Variants in PPIL6 observed in about 807,000 individuals in gnomAD.
PPIL6 encodes the protein probable inactive peptidyl-prolyl cis-trans isomerase-like 6.
A neutral mutation model predicts 36.8 loss-of-function variants in PPIL6; 39 were observed. The ratio of observed to expected loss-of-function variants is 1.06; its 90% CI spans 0.82 to 1.38. PPIL6 has a LOEUF of 1.38. Ranked by LOEUF, PPIL6 falls within the 40% of genes most tolerant of loss-of-function variation. The pLI is 0.00. For missense variants in PPIL6, 368 were observed against 379.1 expected, an observed-to-expected ratio of 0.97 and a Z score of 0.24; for synonymous variants, 123 against 134.1, an observed-to-expected ratio of 0.92 and a Z score of 0.57.
chr6:109,438,365 C>A (rs1774573832), intron 1 of PPIL6, among the ~76,000 whole-genome samples: 1 of 151,536 alleles, frequency 6.6e-6, no homozygotes, highest in Non-Finnish European at 1.5e-5. Context: ...TTGCTTGAGC[C>A]CAGGAGTTCA....
Position 109,392,827 on chromosome 6 carries a change from C to A in PPIL6, c.935G>T (p.Ter312LeuextTer8). Reference protein sequence around the residue: ...RITDSGDPYA* With the variant: ...RITDSGDPYAL ...TCACAGAAAATATTGATATGAAAAT[C>A]AAGCATAAGGATCTCCACTGTCAGT... Residue 312 changes from the stop codon to leucine, a stop_lost, in exon 8 of 8, where the codon TGA (stop) becomes TTA (leucine). Coordinates refer to ENST00000521072, the MANE Select transcript of PPIL6 (RefSeq NM_173672.5). 6.9e-7 allele frequency: 1 copy of A among 1,458,690 alleles called. No homozygotes were observed. The highest frequency in any genetic ancestry group is 9.5e-7 in the Non-Finnish European group (1 of 1,057,942). 90.4% of individuals were successfully genotyped at this position (1,458,690 alleles called of 1,614,324 possible).
intron 2 of PPIL6, among the ~76,000 whole-genome samples, chr6:109,435,325 G>C (rs1774387116): frequency 7.0e-6 from 1 of 143,506 alleles, no homozygotes; most frequent in Non-Finnish European, 1.5e-5. Flanking sequence ...TGGAGACAGA[G>C]TCTCACTCTG....
intron 6 of PPIL6, among the ~76,000 whole-genome samples, chr6:109,411,474 T>C (rs1773008932): frequency 6.6e-6 from 1 of 152,206 alleles, no homozygotes; most frequent in African/African-American, 2.4e-5. Context: ...TTAACAACTC[T>C]AGGCAAGTTG....
At chr6:109,408,241 A>C (rs1056775526) in intron 6 of PPIL6, among the ~76,000 whole-genome samples, 2 of 152,204 alleles carry the variant, frequency 1.3e-5, no homozygotes, top group African/African-American at 4.8e-5. Context: ...TTCTTCTGGC[A>C]TAAAGTGTTG....
intron 7 of PPIL6, among the ~76,000 whole-genome samples, chr6:109,396,401 G>C (rs9487086): frequency 0.013 from 1,998 of 152,224 alleles, 49 homozygotes; most frequent in African/African-American, 0.046. Flanking sequence ...TTGGGAGTTG[G>C]ACCCTTGCTG....
At chr6:109,405,085 A>G (rs983329855) in intron 6 of PPIL6, 3 of 390,168 alleles carry the variant, frequency 7.7e-6, no homozygotes, top group East Asian at 9.3e-5. Flanking sequence ...TCTTTTCATA[A>G]CCTTTTCATT....
chr6:109,415,421 G>A (rs932780498), intron 6 of PPIL6, among the ~76,000 whole-genome samples: 5 of 152,048 alleles, frequency 3.3e-5, no homozygotes, highest in African/African-American at 1.2e-4. Flanking sequence ...GCACTGGTTC[G>A]GAGGCACTCA....
chr6:109,425,799 A>C (rs1243660518), intron 5 of PPIL6, among the ~76,000 whole-genome samples: 1 of 151,976 alleles, frequency 6.6e-6, no homozygotes, highest in African/African-American at 2.4e-5. Flanking sequence ...CTAGCACATG[A>C]GAGTCAACAC....
At chr6:109,422,022 G>A (rs1205687653) in intron 5 of PPIL6, among the ~76,000 whole-genome samples, 3 of 152,114 alleles carry the variant, frequency 2.0e-5, no homozygotes, top group African/African-American at 4.8e-5. Context: ...GACTATAGGC[G>A]CATGCCACCA....
At position 109,390,571 on chromosome 6, in the gene PPIL6, G is replaced by C. The variant is rs1772060647; in HGVS notation, c.*2255C>G. ...AATAAAGCTGTCATTAAAAGGAAAAGCAAATGCCAGTTGTCAGGAGTTAGG... is the reference window on the plus strand; with the variant it reads ...AATAAAGCTGTCATTAAAAGGAAAACCAAATGCCAGTTGTCAGGAGTTAGG... On this transcript the variant is annotated 3_prime_UTR_variant, in exon 8 of 8. Transcript: ENST00000521072. The C allele has an allele frequency of 6.6e-6, 1 of 152,296 alleles. No homozygotes were observed. The highest frequency in any genetic ancestry group is 6.5e-5 in the Admixed American group (1 of 15,280). 9.4% of individuals were successfully genotyped at this position (152,296 alleles called of 1,614,324 possible). A position where few individuals can be genotyped will look rare whatever the true frequency, so the allele number is the denominator to read the frequency against.
intron 7 of PPIL6, among the ~76,000 whole-genome samples, chr6:109,395,506 C>T (rs1772258100): frequency 6.6e-6 from 1 of 151,902 alleles, no homozygotes; most frequent in Non-Finnish European, 1.5e-5. Context: ...GGCTGTCATA[C>T]TGGGCCGTGC....
Position 109,426,686 on chromosome 6 carries a change from A to G in PPIL6, c.631+161T>C, listed in dbSNP as rs185325490. ...TAATAATTAGGGTGTTTTTTAAAGA[A>G]TACAAATATCTTACTTCATTATTTG... On this transcript the variant is annotated intron_variant, in intron 5 of 7. Transcript: ENST00000521072. Among the ~76,000 whole-genome samples the G allele has an allele frequency of 3.4e-3, 525 of 152,310 alleles. 2 individuals are homozygous for G. The highest frequency in any genetic ancestry group is 0.012 in the African/African-American group (495 of 41,568).
At chr6:109,396,424 G>A (rs552575774) in intron 7 of PPIL6, among the ~76,000 whole-genome samples, 9 of 151,956 alleles carry the variant, frequency 5.9e-5, no homozygotes, top group Non-Finnish European at 8.8e-5. Context: ...CCTCTTATCC[G>A]GCCTCCACCC....
At chr6:109,425,655 A>G (rs1428228370) in intron 5 of PPIL6, among the ~76,000 whole-genome samples, 1 of 151,018 alleles carries the variant, frequency 6.6e-6, no homozygotes, top group Non-Finnish European at 1.5e-5. Context: ...AGGCTGAGGC[A>G]GGGAGAATTA....
intron 6 of PPIL6, among the ~76,000 whole-genome samples, chr6:109,407,416 T>A (rs1318821737): frequency 6.6e-6 from 1 of 152,100 alleles, no homozygotes; most frequent in Non-Finnish European, 1.5e-5. Flanking sequence ...ATTTTTTGTA[T>A]TTTTAGTATA....
intron 6 of PPIL6, among the ~76,000 whole-genome samples, chr6:109,418,703 G>A (rs1012769740): frequency 6.6e-6 from 1 of 151,866 alleles, no homozygotes; most frequent in Non-Finnish European, 1.5e-5. Flanking sequence ...CATCATGCCT[G>A]GCTAATTTTT....
At chr6:109,402,736 G>A (rs6920372) in intron 6 of PPIL6, among the ~76,000 whole-genome samples, 79,343 of 152,010 alleles carry the variant, frequency 0.52, 21,857 homozygotes, top group African/African-American at 0.71. Flanking sequence ...CTAAACGACT[G>A]TGTGTGGATT....
rs1282743517 is a variant in PPIL6, at chr6:109,391,306, A to G, written c.*1520T>C. 1 of 143,276 alleles carries G rather than the reference A, an allele frequency of 7.0e-6. No homozygotes were observed. Among genetic ancestry groups the G allele is most frequent in the African/African-American group, 3.0e-5 (1 of 32,932 alleles). 8.9% of individuals were successfully genotyped at this position (143,276 alleles called of 1,614,324 possible). A position where few individuals can be genotyped will look rare whatever the true frequency, so the allele number is the denominator to read the frequency against. ...CCGTCTCAAAAAAAAAAAAAAAAAA[A>G]AAAAAAAAAAGAAAAGCACTCTTAG... On this transcript the variant is annotated 3_prime_UTR_variant, in exon 8 of 8. Transcript: ENST00000521072.
rs574378161 is a variant in PPIL6, at chr6:109,427,225, A to G, written c.421-69T>C. On this transcript the variant is annotated intron_variant, in intron 3 of 7. Coordinates refer to ENST00000521072, the MANE Select transcript of PPIL6 (RefSeq NM_173672.5). ...ACAAGAAAGTTTTCAGAAATGACCAAAAATACAGCAGATACAATATTTTTA... is the reference window on the plus strand; with the variant it reads ...ACAAGAAAGTTTTCAGAAATGACCAGAAATACAGCAGATACAATATTTTTA... 7.2e-6 allele frequency: 7 copies of G among 976,676 alleles called. No homozygotes were observed. The East Asian group carries it at 1.7e-4, about 24-fold the overall frequency. 60.5% of individuals were successfully genotyped at this position (976,676 alleles called of 1,614,324 possible).
Sources: gnomAD v4.1 joint callset for allele counts (sites outside exome capture counted in the v4.1 genomes callset) on GRCh38, gnomAD v4.1.1 for gene constraint, MANE v1.5 for transcripts, NCBI Gene and HGNC (gene_info 2026-07-23, HGNC 2026-07-21) for gene names.